Variants in HDGF observed in about 807,000 individuals in gnomAD.
The protein encoded by HDGF is heparin binding growth factor.
Under a neutral mutation model 30.0 loss-of-function variants are expected in HDGF, and 5 were observed. The ratio of observed to expected loss-of-function variants is 0.17; its 90% confidence interval spans 0.09 to 0.35. HDGF has a LOEUF of 0.35. HDGF is among the 10% of genes least tolerant of loss of function. The pLI, the probability that HDGF is intolerant of heterozygous loss-of-function variation, is 1.00. For synonymous variants in HDGF, 133 were observed against 112.7 expected (o/e 1.18, Z -1.14); for missense variants, 214 against 302.8 (o/e 0.71, Z 2.18).
upstream of HDGF, chr1:156,751,873 C>A: frequency 2.1e-6 from 2 of 963,392 alleles, no homozygotes; most frequent in Non-Finnish European, 2.9e-6. This position sits in a 1 kb window ranked among gnomAD's most constrained non-coding sequence, Gnocchi z 4.7. Flanking sequence ...CAACCCGGAG[C>A]CGCCTGACGG....
At chr1:156,763,425 A>G (rs984821902) in intron 1 of HDGF, among the ~76,000 whole-genome samples, 1 of 151,424 alleles carries the variant, frequency 6.6e-6, no homozygotes, top group Non-Finnish European at 1.5e-5. Flanking sequence ...CATGTTGGCC[A>G]GGCTGGCCTC....
In HDGF at chr1:156,743,426, G is replaced by T. The variant is rs753925386; in HGVS notation, c.*23C>A. On this transcript the variant is annotated 3_prime_UTR_variant, in exon 6 of 6. Coordinates refer to ENST00000357325, the MANE Select transcript of HDGF (RefSeq NM_004494.3). The stretch of plus-strand genomic sequence containing the variant: ...CAGACAGCAGCAGGAACAGGGTGGG[G>T]GCTCCTCTTGAAACATTGGTGGCTA... The T allele has an allele frequency of 2.0e-6, 3 of 1,514,232 alleles. No homozygotes were observed. The South Asian group carries it at 4.0e-5, about 20-fold the overall frequency. 93.8% of individuals were successfully genotyped at this position (1,514,232 alleles called of 1,614,324 possible). A position where few individuals can be genotyped will look rare whatever the true frequency, so the allele number is the denominator to read the frequency against.
At chr1:156,754,048 T>C (rs1228410677), upstream of HDGF, among the ~76,000 whole-genome samples, 1 of 151,900 alleles carries the variant, frequency 6.6e-6, no homozygotes, top group Non-Finnish European at 1.5e-5. Flanking sequence ...CCTGAGTAGC[T>C]GGGATTACAG....
chr1:156,748,517 C>G (rs1650747687), intron 1 of HDGF, among the ~76,000 whole-genome samples: 1 of 152,206 alleles, frequency 6.6e-6, no homozygotes, highest in African/African-American at 2.4e-5. Flanking sequence ...TACCTCTTAA[C>G]CATTCCAGAT....
chr1:156,766,583 G>T (rs1320674504), intron 1 of HDGF, among the ~76,000 whole-genome samples: 1 of 152,128 alleles, frequency 6.6e-6, no homozygotes, highest in East Asian at 1.9e-4. Context: ...CTATAAACAT[G>T]GATGGAAAGG....
At chr1:156,760,913 G>T (rs1039339967) in intron 1 of HDGF, among the ~76,000 whole-genome samples, 2 of 151,714 alleles carry the variant, frequency 1.3e-5, no homozygotes, top group Admixed American at 1.3e-4. Context: ...ATATCAAGAG[G>T]CCAGGTGCAG....
In HDGF at chr1:156,744,329, C is replaced by G. The variant is rs199809801; in HGVS notation, c.323G>C (p.Cys108Ser). 14 of 1,614,032 alleles carry G rather than the reference C, an allele frequency of 8.7e-6. No homozygotes were observed. Among genetic ancestry groups the G allele is most frequent in the Non-Finnish European group, 1.2e-5 (14 of 1,180,034 alleles). Reference sequence around the variant, plus strand: ...GGGCTCTGGTTCAGGCTCTTCCACACAGCTCTTTTTCTGGGAGGACTGCAG... The same window carrying G: ...GGGCTCTGGTTCAGGCTCTTCCACAGAGCTCTTTTTCTGGGAGGACTGCAG... ...SGYQSSQKKS[C>S]VEEPEPEPEA... The change falls in exon 4 of 6, where the codon TGT becomes TCT. Residue 108 changes from cysteine (C) to serine (S), a missense_variant. By Grantham distance (112) the Cys-to-Ser change is moderately radical. This residue lies in a region of HDGF where 176 missense variants were observed against 211.7 expected (regional missense o/e 0.83). Coordinates refer to ENST00000357325, the MANE Select transcript of HDGF (RefSeq NM_004494.3).
intron 3 of HDGF, chr1:156,744,670 C>T (rs936395789): frequency 3.1e-6 from 2 of 637,760 alleles, no homozygotes; most frequent in Non-Finnish European, 4.7e-6. Flanking sequence ...TCGTCCTGCC[C>T]GGCTCACAAG....
chr1:156,756,325 T>C (rs2102736369), upstream of HDGF, among the ~76,000 whole-genome samples: 1 of 152,326 alleles, frequency 6.6e-6, no homozygotes, highest in South Asian at 2.1e-4. Context: ...ATAAAATTGG[T>C]TATCACTGTA....
chr1:156,745,350 G>A lies in HDGF; in HGVS notation c.111C>T (p.Ala37=), dbSNP rs139174208. The change falls in exon 2 of 6, where the codon GCC becomes GCT. Residue 37 remains alanine (A), a synonymous_variant. Transcript: ENST00000357325. ...GGTATTTGTTGGCTGTTGATTTCACGGCAGCCTCAGGCATCTCGTCAATCT... is the reference window on the plus strand; with the variant it reads ...GGTATTTGTTGGCTGTTGATTTCACAGCAGCCTCAGGCATCTCGTCAATCT... ...PARIDEMPEA[A]VKSTANKYQV... 5.6e-6 allele frequency: 9 copies of A among 1,613,688 alleles called. No individual in the cohort carries two copies. The highest frequency in any genetic ancestry group is 4.5e-5 in the East Asian group (2 of 44,862).
chr1:156,744,386 G>A (rs371327525), intron 3 of HDGF, 38 bp from the exon 4 acceptor site: 24 of 1,608,866 alleles, frequency 1.5e-5, no homozygotes, highest in South Asian at 2.2e-5. Flanking sequence ...GGCACCAGTC[G>A]CTGCCATGCT....
In HDGF at chr1:156,743,679, T is replaced by C. The variant is rs1309763240; in HGVS notation, c.689A>G (p.Glu230Gly). Residue 230 changes from glutamate (E) to glycine (G), a missense_variant, in exon 5 of 6, where the codon GAG becomes GGG. Physicochemically the swap from Glu to Gly is moderately conservative, Grantham distance 98. Around this residue, in one of 2 missense-constraint regions of HDGF, gnomAD observed 176 missense variants for 211.7 expected, o/e 0.83. Transcript: ENST00000357325. Reference sequence around the variant, plus strand: ...CTCATGATCTCTGATGCCTGGGGCCTCAGCATCTTCCTTGGTAGCCTCTTC... The same window carrying C: ...CTCATGATCTCTGATGCCTGGGGCCCCAGCATCTTCCTTGGTAGCCTCTTC... Reference protein sequence around the residue: ...EEEEATKEDAEAPGIRDHESL With the variant: ...EEEEATKEDAGAPGIRDHESL The C allele has an allele frequency of 6.2e-7, 1 of 1,612,036 alleles. No individual in the cohort carries two copies. The highest frequency in any genetic ancestry group is 1.3e-5 in the African/African-American group (1 of 74,812).
In HDGF at chr1:156,763,639, G is replaced by A. The variant is rs532728077; in HGVS notation, n.136+3151C>T. 2.7e-5 allele frequency among the ~76,000 whole-genome samples: 4 copies of A among 149,376 alleles called. No individual in the cohort carries two copies. In the South Asian group the frequency reaches 8.5e-4, roughly 32 times the overall value. On this transcript the variant is annotated intron_variant and non_coding_transcript_variant, in intron 1 of 7. Coordinates refer to the HDGF transcript ENST00000465180. Reference sequence around the variant, plus strand: ...CTTGCTCTGTTGCCCAGGCTGGAGTGCAGTGGCGCGATCTTGGCTGACTGC... The same window carrying A: ...CTTGCTCTGTTGCCCAGGCTGGAGTACAGTGGCGCGATCTTGGCTGACTGC...
intron 2 of HDGF, among the ~76,000 whole-genome samples, chr1:156,758,624 A>AAATCAAT (rs1651194967): frequency 6.8e-6 from 1 of 146,280 alleles, no homozygotes; most frequent in Admixed American, 6.8e-5. Flanking sequence ...AATAAATAAA[A>AAATCAAT]AAAATTAGCC....
At chr1:156,750,567 G>C (rs1158696688) in intron 1 of HDGF, 1 of 152,384 alleles carries the variant, frequency 6.6e-6, no homozygotes, top group African/African-American at 2.4e-5. Flanking sequence ...GCGGGGGAAG[G>C]AACTTGGGCT....
At chr1:156,750,670 A>G (rs936544261) in intron 1 of HDGF, 4 of 152,370 alleles carry the variant, frequency 2.6e-5, no homozygotes, top group Admixed American at 6.5e-5. Context: ...TTGGCAGCAT[A>G]TGGAGGAATA....
At chr1:156,752,134 C>G, upstream of HDGF, 1 of 1,551,540 alleles carries the variant, frequency 6.4e-7, no homozygotes, top group Non-Finnish European at 8.7e-7. Flanking sequence ...TGGGCACCCG[C>G]GGTTCTTGGC....
intron 1 of HDGF, among the ~76,000 whole-genome samples, chr1:156,765,709 G>A (rs183356098): frequency 2.0e-5 from 3 of 151,854 alleles, no homozygotes; most frequent in Admixed American, 6.6e-5. Context: ...TCCTGACCTC[G>A]TGATTCACCA....
chr1:156,752,712 G>A (rs1651053257), upstream of HDGF, among the ~76,000 whole-genome samples: 1 of 152,162 alleles, frequency 6.6e-6, no homozygotes, highest in African/African-American at 2.4e-5. Flanking sequence ...AGACTTTATT[G>A]TAATTACATC....
Sources: gnomAD v4.1 joint callset for allele counts (sites outside exome capture counted in the v4.1 genomes callset) on GRCh38, gnomAD v4.1.1 for gene constraint, gnomAD v4.1.1 regional missense constraint, Gnocchi (gnomAD v3.1) non-coding constraint, MANE v1.5 for transcripts, NCBI Gene and HGNC (gene_info 2026-07-23, HGNC 2026-07-21) for gene names.